Variants in GGH observed in about 807,000 individuals in gnomAD.
The protein encoded by GGH is gamma-glutamyl hydrolase, also known as gamma-Glu-X carboxypeptidase.
GGH carries 18 observed loss-of-function variants against 39.2 expected under a neutral mutation model. The observed-to-expected ratio is 0.46, with a 90% confidence interval of 0.32 to 0.68. The LOEUF (loss-of-function observed/expected upper bound fraction) is 0.68. Among genes scored for constraint, GGH ranks in the 30% least tolerant of loss-of-function variants. The pLI is 0.04. For synonymous variants in GGH, 147 were observed against 138.8 expected (o/e 1.06, Z -0.42); for missense variants, 367 against 384.1 (o/e 0.96, Z 0.37).
intron 2 of GGH, among the ~76,000 whole-genome samples, chr8:63,031,512 T>C (rs528444678): frequency 2.6e-5 from 4 of 152,268 alleles, no homozygotes; most frequent in African/African-American, 7.2e-5. Flanking sequence ...ATTCTCCCCA[T>C]GGATATTTAA....
chr8:63,020,506 G>A (rs1278051711), intron 7 of GGH, among the ~76,000 whole-genome samples: 5 of 152,134 alleles, frequency 3.3e-5, no homozygotes, highest in African/African-American at 1.2e-4. Flanking sequence ...ATTAAGAAAC[G>A]TTCCCACACA....
chr8:63,030,066 A>C (rs2129668407), intron 3 of GGH, 101 bp downstream of exon 3: 3 of 634,892 alleles, frequency 4.7e-6, no homozygotes, highest in Middle Eastern at 2.7e-4. Flanking sequence ...ACTCTAAGAC[A>C]GTTACATAGA....
At chr8:63,026,652 A>G (rs1238895059) in intron 4 of GGH, among the ~76,000 whole-genome samples, 1 of 152,238 alleles carries the variant, frequency 6.6e-6, no homozygotes, top group Non-Finnish European at 1.5e-5. Context: ...AGATTAATTT[A>G]AAAATCACTG....
chr8:63,034,399 A>G (rs1332003123), intron 2 of GGH, among the ~76,000 whole-genome samples: 2 of 152,212 alleles, frequency 1.3e-5, no homozygotes, highest in African/African-American at 2.4e-5. Flanking sequence ...TTTTATTAGT[A>G]GTATTATATT....
intron 8 of GGH, chr8:63,017,276 A>G: frequency 2.2e-6 from 1 of 452,560 alleles, no homozygotes; most frequent in Non-Finnish European, 3.9e-6. Flanking sequence ...CCACTGAAGC[A>G]TGTATGATAA....
intron 2 of GGH, among the ~76,000 whole-genome samples, chr8:63,031,241 G>A (rs1202761320): frequency 6.6e-6 from 1 of 152,122 alleles, no homozygotes; most frequent in Non-Finnish European, 1.5e-5. Flanking sequence ...ACAACTCTGG[G>A]ATCTACTCTA....
intron 7 of GGH, among the ~76,000 whole-genome samples, chr8:63,022,678 C>CTTTTTTTT: frequency 7.0e-6 from 1 of 143,538 alleles, no homozygotes; most frequent in Non-Finnish European, 1.5e-5. Flanking sequence ...CCATGCCCAG[C>CTTTTTTTT]TTTTTTTTTT....
rs1285232364 is a variant in GGH, at chr8:63,023,931, T to G, written c.673A>C (p.Ile225Leu). The part of the protein sequence containing the change: ...NVLTTNTDGK[I>L]EFISTMEGYK... ...CCTTCCATTGTTGAAATAAACTCAA[T>G]CTTGCCATCTGTATTTGTAGTTAAG... Residue 225 changes from isoleucine to leucine, a missense_variant, in exon 7 of 9, where the codon ATT becomes CTT. Transcript: ENST00000260118. 1 of 1,584,812 alleles carries G rather than the reference T, an allele frequency of 6.3e-7. No homozygotes were observed. The highest frequency in any genetic ancestry group is 1.7e-5 in the Admixed American group (1 of 57,920).
At chr8:63,023,825 G>T in intron 7 of GGH, 82 bp downstream of exon 7, 1 of 1,032,230 alleles carries the variant, frequency 9.7e-7, no homozygotes, top group Non-Finnish European at 1.3e-6. Context: ...AAAGTAATAT[G>T]ATTTTATTGA....
intron 2 of GGH, 27 bp from the exon 3 acceptor site, chr8:63,030,244 A>T: frequency 8.9e-7 from 1 of 1,124,226 alleles, no homozygotes; most frequent in Non-Finnish European, 1.4e-6. Context: ...TTATTGTTAC[A>T]TTTGTGAAAC....
At chr8:63,037,553 T>A (rs1020754506) in intron 1 of GGH, among the ~76,000 whole-genome samples, 5 of 152,218 alleles carry the variant, frequency 3.3e-5, no homozygotes, top group African/African-American at 1.2e-4. Flanking sequence ...CATCTTTCAA[T>A]CCTTTGCACT....
chr8:63,025,791 C>A lies in GGH; in HGVS notation c.499+367G>T, dbSNP rs927187429. Among the ~76,000 whole-genome samples, 13 of 151,972 alleles carry A rather than the reference C, an allele frequency of 8.6e-5. 1 individual carries two copies. In the East Asian group the frequency reaches 2.5e-3, roughly 29 times the overall value. On this transcript the variant is annotated intron_variant, in intron 5 of 8. Transcript: ENST00000260118. ...AAAAAAACCCCTAAGCGTTATTAGACCTTTTTGCAAATGCAGACATTGAAC... is the reference window on the plus strand; with the variant it reads ...AAAAAAACCCCTAAGCGTTATTAGAACTTTTTGCAAATGCAGACATTGAAC...
intron 7 of GGH, chr8:63,023,577 C>G (rs1210755988): frequency 5.9e-6 from 1 of 168,934 alleles, no homozygotes; most frequent in Non-Finnish European, 1.3e-5. Context: ...CTCTATCACC[C>G]ACATTTATTT....
intron 5 of GGH, among the ~76,000 whole-genome samples, chr8:63,025,917 A>G (rs1032704664): frequency 6.6e-6 from 1 of 152,176 alleles, no homozygotes; most frequent in Non-Finnish European, 1.5e-5. Context: ...TCCTGATATC[A>G]CTAGAAGCAA....
At chr8:63,019,965 G>C (rs1804557596) in intron 7 of GGH, among the ~76,000 whole-genome samples, 2 of 152,076 alleles carry the variant, frequency 1.3e-5, no homozygotes, top group Admixed American at 1.3e-4. Flanking sequence ...AGTTCTTTAG[G>C]GATGAACTAA....
intron 2 of GGH, 99 bp downstream of exon 2, chr8:63,035,557 G>T: frequency 6.8e-7 from 1 of 1,474,230 alleles, no homozygotes. Flanking sequence ...CACCCGCCTT[G>T]GCCTCCCAAA....
At chr8:63,027,547 T>A (rs1439304984) in intron 3 of GGH, among the ~76,000 whole-genome samples, 1 of 151,986 alleles carries the variant, frequency 6.6e-6, no homozygotes, top group Admixed American at 6.6e-5. Context: ...AGTAAATAAG[T>A]AGGGGAGGGG....
intron 2 of GGH, among the ~76,000 whole-genome samples, chr8:63,035,273 A>G (rs1459375856): frequency 6.6e-6 from 1 of 152,218 alleles, no homozygotes; most frequent in Non-Finnish European, 1.5e-5. Flanking sequence ...CAATGTAATC[A>G]TAAGAGAGAA....
chr8:63,036,004 A>C (rs910557332), intron 1 of GGH, among the ~76,000 whole-genome samples: 6 of 152,214 alleles, frequency 3.9e-5, no homozygotes, highest in Non-Finnish European at 7.3e-5. Context: ...CCCCCAAAGA[A>C]GGCTTACAAT....
Sources: gnomAD v4.1 joint callset for allele counts (sites outside exome capture counted in the v4.1 genomes callset) on GRCh38, gnomAD v4.1.1 for gene constraint, MANE v1.5 for transcripts, NCBI Gene and HGNC (gene_info 2026-07-23, HGNC 2026-07-21) for gene names.